The following PIEZO2 variants were observed in gnomAD, a reference collection of about 807,000 sequenced individuals.
PIEZO2 encodes piezo type mechanosensitive ion channel component 2, also known as piezo-type mechanosensitive ion channel component 2.
PIEZO2 carries 172 observed loss-of-function variants against 337.3 expected under a neutral mutation model. The observed-to-expected ratio is 0.51, with a 90% CI of 0.45 to 0.58. PIEZO2 has a LOEUF of 0.58. PIEZO2 is among the 20% of genes least tolerant of loss of function. The probability of loss-of-function intolerance (pLI) is 0.00; values close to 1 mark genes in which losing one functional copy is unlikely to be tolerated. For missense variants in PIEZO2, 3,028 were observed against 3,391.3 expected (o/e 0.89, Z 2.66); for synonymous variants, 1,251 against 1,228.5 (o/e 1.02, Z -0.38).
intron 1 of PIEZO2, among the ~76,000 whole-genome samples, chr18:11,086,059 A>C (rs922648517): frequency 2.0e-5 from 3 of 152,218 alleles, no homozygotes; most frequent in African/African-American, 7.2e-5. Context: ...AATTGAATTG[A>C]CATGACTTAC....
intron 2 of PIEZO2, among the ~76,000 whole-genome samples, chr18:11,057,943 A>G (rs2037789690): frequency 6.6e-6 from 1 of 152,222 alleles, no homozygotes; most frequent in African/African-American, 2.4e-5. Context: ...GCTTAAACAT[A>G]GGCATGGGAA....
intron 3 of PIEZO2, among the ~76,000 whole-genome samples, chr18:10,951,955 T>C (rs571172421): frequency 1.2e-3 from 176 of 152,332 alleles, no homozygotes; most frequent in Non-Finnish European, 1.7e-3. Context: ...CCAAATATTA[T>C]ACATAATTAT....
rs1180614559 is a variant in PIEZO2, at chr18:10,812,059, TC to T, written c.918-4786del. Among the ~76,000 whole-genome samples the T allele has an allele frequency of 3.9e-5, 6 of 152,216 alleles. No homozygotes were observed. The East Asian group carries it at 1.2e-3, about 29-fold the overall frequency. On this transcript the variant is annotated intron_variant, in intron 7 of 55. Coordinates refer to ENST00000674853, the MANE Select transcript of PIEZO2 (RefSeq NM_001378183.1). ...CGTGTTAGCCAGGATGGTCTCGATCTCCTGACCTCGTGATCTGCCCGCCTTG... is the reference window on the plus strand; with the variant it reads ...CGTGTTAGCCAGGATGGTCTCGATCTCTGACCTCGTGATCTGCCCGCCTTG...
intron 3 of PIEZO2, among the ~76,000 whole-genome samples, chr18:10,932,696 G>A (rs190753200): frequency 6.6e-6 from 1 of 152,098 alleles, no homozygotes; most frequent in Non-Finnish European, 1.5e-5. Flanking sequence ...GCAGAGGCAG[G>A]AAAATCACTT....
chr18:10,754,093 A>G (rs1450523882), intron 27 of PIEZO2, among the ~76,000 whole-genome samples: 2 of 152,216 alleles, frequency 1.3e-5, no homozygotes, highest in Admixed American at 6.5e-5. Flanking sequence ...CCTTGCCTAC[A>G]GCAGTCAATT....
At chr18:10,901,430 GCACACA>G (rs34887184) in intron 4 of PIEZO2, among the ~76,000 whole-genome samples, 300 of 147,964 alleles carry the variant, frequency 2.0e-3, no homozygotes, top group East Asian at 4.2e-3. Flanking sequence ...ACACACACAC[GCACACA>G]CACACACACA....
intron 7 of PIEZO2, among the ~76,000 whole-genome samples, chr18:10,836,916 GT>G (rs1267395086): frequency 2.0e-5 from 3 of 152,050 alleles, no homozygotes; most frequent in African/African-American, 7.2e-5. Context: ...TTAATATTTG[GT>G]TTTTTGCCAA....
Position 11,016,844 on chromosome 18 carries a change from T to A in PIEZO2, c.161-37184A>T, listed in dbSNP as rs2036131756. 6.6e-6 allele frequency among the ~76,000 whole-genome samples: 1 copy of A among 152,232 alleles called. No individual in the cohort carries two copies. The highest frequency in any genetic ancestry group is 1.5e-5 in the Non-Finnish European group (1 of 68,048). On this transcript the variant is annotated intron_variant, in intron 2 of 55. Coordinates refer to ENST00000674853, the MANE Select transcript of PIEZO2 (RefSeq NM_001378183.1). This position sits in a 1 kb window ranked among gnomAD's most constrained non-coding sequence, Gnocchi z 5.6. Reference sequence around the variant, plus strand: ...TTGTTGGAAAAACTCCATCCTTTTGTTATTTCCTTCTCCCCTAATAATTGC... The same window carrying A: ...TTGTTGGAAAAACTCCATCCTTTTGATATTTCCTTCTCCCCTAATAATTGC...
At chr18:10,725,268 C>T in intron 36 of PIEZO2, 3 of 1,564,786 alleles carry the variant, frequency 1.9e-6, no homozygotes, top group Non-Finnish European at 2.6e-6. Context: ...AGCTGCTCAC[C>T]AAGTGCCAGA....
At chr18:11,134,637 A>G (rs12966148) in intron 1 of PIEZO2, among the ~76,000 whole-genome samples, 34,349 of 152,118 alleles carry the variant, frequency 0.23, 4,604 homozygotes, top group Middle Eastern at 0.37. Flanking sequence ...CTGTGGTCAG[A>G]TAAGTTTGGA....
chr18:10,697,967 A>G, intron 44 of PIEZO2, 87 bp from the exon 45 acceptor site: 1 of 1,333,328 alleles, frequency 7.5e-7, no homozygotes, highest in Admixed American at 2.6e-5. Context: ...CAGAGCCCAC[A>G]TGGTGGAGGG....
At chr18:10,966,344 T>A (rs900897969) in intron 3 of PIEZO2, among the ~76,000 whole-genome samples, 1 of 152,216 alleles carries the variant, frequency 6.6e-6, no homozygotes, top group Non-Finnish European at 1.5e-5. Context: ...TAGCTAAAGC[T>A]GTCATTCCTT....
intron 3 of PIEZO2, among the ~76,000 whole-genome samples, chr18:10,946,606 C>T (rs1420923914): frequency 2.6e-5 from 4 of 152,224 alleles, no homozygotes; most frequent in African/African-American, 4.8e-5. Flanking sequence ...AGCTGAACTT[C>T]CACCTCACCC....
intron 4 of PIEZO2, among the ~76,000 whole-genome samples, chr18:10,906,366 C>T (rs773723978): frequency 5.9e-5 from 9 of 152,056 alleles, no homozygotes; most frequent in Non-Finnish European, 1.2e-4. Flanking sequence ...GGCAAGAGAT[C>T]AGTAAAATAT....
rs1568115443 is a variant in PIEZO2 at position 10,837,125 on chromosome 18, C to T, written c.917+18228G>A. 6.6e-6 allele frequency among the ~76,000 whole-genome samples: 1 copy of T among 152,224 alleles called. No individual in the cohort carries two copies. The highest frequency in any genetic ancestry group is 2.4e-5 in the African/African-American group (1 of 41,450). ...CTTCGCACAGGGATTGCTCACAACT[C>T]TTTCCATGCCAAGAAGCATGTGAGG... On this transcript the variant is annotated intron_variant, in intron 7 of 55. Coordinates refer to ENST00000674853, the MANE Select transcript of PIEZO2 (RefSeq NM_001378183.1). This position sits in a 1 kb window ranked among gnomAD's most constrained non-coding sequence, Gnocchi z 4.4.
At position 10,789,102 on chromosome 18, in the gene PIEZO2, G is replaced by A; in HGVS notation, c.2146C>T (p.Leu716=). 6.5e-7 allele frequency: 1 copy of A among 1,537,214 alleles called. No individual in the cohort carries two copies. The highest frequency in any genetic ancestry group is 2.4e-5 in the East Asian group (1 of 40,914). ...ACCTGGTATAGGGCCACACAGAACAGGAACAGCACCATGTAGATGATTTTG... is the reference window on the plus strand; with the variant it reads ...ACCTGGTATAGGGCCACACAGAACAAGAACAGCACCATGTAGATGATTTTG... The part of the protein sequence containing the change: ...MYKIIYMVLF[L]FCVALYQVHY... The change falls in exon 15 of 56, where the codon CTG becomes TTG. Residue 716 remains leucine (L), a synonymous_variant. Coordinates refer to ENST00000674853, the MANE Select transcript of PIEZO2 (RefSeq NM_001378183.1).
At chr18:10,755,089 C>G (rs1021451119) in intron 27 of PIEZO2, among the ~76,000 whole-genome samples, 4 of 152,134 alleles carry the variant, frequency 2.6e-5, no homozygotes, top group Admixed American at 2.0e-4. Context: ...GGGACAAATA[C>G]AAAAGCAAGT....
At chr18:10,731,177 T>TTATATATATATA (rs60508630) in intron 36 of PIEZO2, among the ~76,000 whole-genome samples, 13 of 35,232 alleles carry the variant, frequency 3.7e-4, no homozygotes, top group Non-Finnish European at 4.4e-4. Flanking sequence ...ACTTAAAAGA[T>TTATATATATATA]TATATATATA....
rs1025135034 is a variant in PIEZO2, at chr18:11,091,473, T to C, written c.65-25251A>G. On this transcript the variant is annotated intron_variant, in intron 1 of 55. Transcript: ENST00000674853. ...GTATAGGTATAATGAAGAAAAGCTG[T>C]AAGAATGGTAGCTTTTGAGCACTGG... Among the ~76,000 whole-genome samples, 9 of 151,988 alleles carry C rather than the reference T, an allele frequency of 5.9e-5. No homozygotes were observed. In the South Asian group the frequency reaches 1.9e-3, roughly 31 times the overall value.
Sources: allele counts gnomAD v4.1 joint callset (sites outside exome capture counted in the v4.1 genomes callset), GRCh38; gene constraint gnomAD v4.1.1; non-coding constraint Gnocchi (gnomAD v3.1); transcripts MANE v1.5; gene names NCBI Gene and HGNC (gene_info 2026-07-23, HGNC 2026-07-21).